TTC7B: variants seen among roughly 807,000 people sequenced by gnomAD.
TTC7B encodes tetratricopeptide repeat protein 7B.
In TTC7B, 28 loss-of-function variants were observed where a neutral mutation model predicts 106.8. The ratio of observed to expected loss-of-function variants is 0.26; its 90% CI spans 0.19 to 0.36. The LOEUF is 0.36. TTC7B is among the 10% of genes least tolerant of loss of function. The probability of loss-of-function intolerance (pLI) is 1.00; values close to 1 mark genes in which losing one functional copy is unlikely to be tolerated. For missense variants in TTC7B, 862 were observed against 1,076.4 expected (o/e 0.80, Z 2.79); for synonymous variants, 405 against 430.6 (o/e 0.94, Z 0.74).
chr14:90,754,894 T>A (rs1410759918), intron 3 of TTC7B, among the ~76,000 whole-genome samples: 2 of 152,242 alleles, frequency 1.3e-5, no homozygotes, highest in Non-Finnish European at 2.9e-5. Flanking sequence ...ATAGCTGTTA[T>A]AACAAATATC....
chr14:90,614,226 A>G (rs1892978391), intron 16 of TTC7B, among the ~76,000 whole-genome samples: 1 of 152,224 alleles, frequency 6.6e-6, no homozygotes, highest in African/African-American at 2.4e-5. Context: ...CAGTTGTCTC[A>G]TCAGTAAAAT....
rs536409325 is a variant in TTC7B at position 90,603,732 on chromosome 14, C to T, written c.1966+7010G>A. Among the ~76,000 whole-genome samples the T allele has an allele frequency of 1.1e-4, 16 of 152,346 alleles. No individual in the cohort carries two copies. In the Middle Eastern group the frequency reaches 0.01, roughly 97 times the overall value. ...GGTTTGGAGGGAGAAATTCATACAACTTCAGATCTTGACTATCTGCTTATC... is the reference window on the plus strand; with the variant it reads ...GGTTTGGAGGGAGAAATTCATACAATTTCAGATCTTGACTATCTGCTTATC... On this transcript the variant is annotated intron_variant, in intron 17 of 19. Coordinates refer to ENST00000328459, the MANE Select transcript of TTC7B (RefSeq NM_001010854.2).
intron 2 of TTC7B, among the ~76,000 whole-genome samples, chr14:90,781,189 G>A (rs142874306): frequency 9.8e-4 from 150 of 152,312 alleles, no homozygotes; most frequent in African/African-American, 3.5e-3. Context: ...ATGATGCCAA[G>A]TGAAAAATCC....
intron 3 of TTC7B, among the ~76,000 whole-genome samples, chr14:90,755,777 C>G (rs1353787290): frequency 3.3e-5 from 5 of 152,242 alleles, no homozygotes; most frequent in African/African-American, 1.2e-4. Flanking sequence ...TTGCAGCAAG[C>G]TGCTTAACAT....
chr14:90,690,384 G>A (rs1887424092), intron 6 of TTC7B, among the ~76,000 whole-genome samples: 1 of 152,186 alleles, frequency 6.6e-6, no homozygotes, highest in Admixed American at 6.5e-5. Context: ...TCTTCACAGT[G>A]AAAACCCAGA....
chr14:90,694,346 G>T (rs1396135755), intron 6 of TTC7B, among the ~76,000 whole-genome samples: 1 of 152,134 alleles, frequency 6.6e-6, no homozygotes. Context: ...AGGGACTAGG[G>T]GGAGGGGAAA....
chr14:90,676,995 G>C (rs376195078), intron 8 of TTC7B, among the ~76,000 whole-genome samples: 1 of 152,102 alleles, frequency 6.6e-6, no homozygotes, highest in Non-Finnish European at 1.5e-5. Context: ...ACGCAGCTGC[G>C]CTCTAGAGCA....
intron 19 of TTC7B, among the ~76,000 whole-genome samples, chr14:90,553,352 A>G (rs2139774632): frequency 6.6e-6 from 1 of 152,276 alleles, no homozygotes; most frequent in South Asian, 2.1e-4. Context: ...CATTTTTTCA[A>G]AAAAACCTCT....
intron 16 of TTC7B, among the ~76,000 whole-genome samples, chr14:90,613,390 C>CA (rs35981937): frequency 1.5e-3 from 204 of 138,076 alleles, no homozygotes; most frequent in East Asian, 7.3e-3. Flanking sequence ...AAGACTGTCT[C>CA]AAAAAAAAAA....
chr14:90,642,341 A>G (rs965358391), intron 15 of TTC7B, among the ~76,000 whole-genome samples: 3 of 152,194 alleles, frequency 2.0e-5, no homozygotes, highest in African/African-American at 7.2e-5. Context: ...GTGTGAACCA[A>G]TTTTCCAAGG....
intron 18 of TTC7B, among the ~76,000 whole-genome samples, chr14:90,589,882 T>A (rs951864331): frequency 6.6e-6 from 1 of 152,252 alleles, no homozygotes; most frequent in Non-Finnish European, 1.5e-5. Context: ...AATCTAAATG[T>A]TAATCAGTAG....
At chr14:90,743,261 A>G (rs1174864698) in intron 4 of TTC7B, among the ~76,000 whole-genome samples, 1 of 151,344 alleles carries the variant, frequency 6.6e-6, no homozygotes, top group Non-Finnish European at 1.5e-5. Context: ...TATTCCCATC[A>G]CTCTCTCCAC....
chr14:90,566,079 C>T (rs1468334977), intron 19 of TTC7B, among the ~76,000 whole-genome samples: 1 of 152,070 alleles, frequency 6.6e-6, no homozygotes, highest in Admixed American at 6.5e-5. Context: ...AGACCAGGCA[C>T]GGTGGCTCAT....
In TTC7B at chr14:90,807,343, C is replaced by T. The variant is rs949336471; in HGVS notation, c.121+8832G>A. Among the ~76,000 whole-genome samples the T allele has an allele frequency of 1.3e-5, 2 of 152,188 alleles. No individual in the cohort carries two copies. The highest frequency in any genetic ancestry group is 2.9e-5 in the Non-Finnish European group (2 of 68,040). On this transcript the variant is annotated intron_variant, in intron 1 of 19. Transcript: ENST00000328459. The surrounding 1 kb of genome is among the most constrained non-coding windows in gnomAD (Gnocchi z 4.1). ...TGTCCTCAGGCTACAGGGTCACATT[C>T]TGTCTCCCACTCGGACAACCACGTC...
At chr14:90,794,130 T>A (rs1466819757) in intron 1 of TTC7B, among the ~76,000 whole-genome samples, 24 of 150,904 alleles carry the variant, frequency 1.6e-4, no homozygotes, top group African/African-American at 5.9e-4. Flanking sequence ...CTCAAACTCC[T>A]GGCCTCAAGT....
At chr14:90,695,425 G>A (rs1253848672) in intron 6 of TTC7B, 75 bp downstream of exon 6, 1 of 732,556 alleles carries the variant, frequency 1.4e-6, no homozygotes, top group Non-Finnish European at 2.0e-6. Flanking sequence ...ATACATAAAT[G>A]TAAAAAAATA....
chr14:90,593,779 G>A (rs893139328), intron 17 of TTC7B, 153 bp from the exon 18 acceptor site: 7 of 680,830 alleles, frequency 1.0e-5, no homozygotes, highest in African/African-American at 5.5e-5. Context: ...GGGCAATCAC[G>A]GCCCGGGGCC....
At chr14:90,606,551 C>G (rs1892646938) in intron 17 of TTC7B, among the ~76,000 whole-genome samples, 1 of 152,112 alleles carries the variant, frequency 6.6e-6, no homozygotes, top group Non-Finnish European at 1.5e-5. Flanking sequence ...AAGGAACTAC[C>G]AACTTATTCC....
At chr14:90,680,968 G>T (rs574037067) in intron 7 of TTC7B, among the ~76,000 whole-genome samples, 207 of 152,314 alleles carry the variant, frequency 1.4e-3, no homozygotes, top group African/African-American at 5.0e-3. Flanking sequence ...TGAAATAAGA[G>T]ATTAGAAGCA....
Sources: allele counts gnomAD v4.1 joint callset (sites outside exome capture counted in the v4.1 genomes callset), GRCh38; gene constraint gnomAD v4.1.1; non-coding constraint Gnocchi (gnomAD v3.1); transcripts MANE v1.5; gene names NCBI Gene and HGNC (gene_info 2026-07-23, HGNC 2026-07-21).